The following SDK1 variants were observed in gnomAD, a reference collection of about 807,000 sequenced individuals.
SDK1 encodes the protein protein sidekick-1.
A neutral mutation model predicts 245.5 loss-of-function variants in SDK1; 157 were observed. The observed-to-expected ratio is 0.64, with a 90% CI of 0.56 to 0.73. SDK1 has a LOEUF of 0.73. Among genes scored for constraint, SDK1 ranks in the 30% least tolerant of loss-of-function variants. The pLI is 0.00. For synonymous variants in SDK1, 1,647 were observed against 1,278.5 expected, an observed-to-expected ratio of 1.29 and a Z score of -6.15; for missense variants, 3,583 against 3,002.3, an observed-to-expected ratio of 1.19 and a Z score of -4.52.
intron 35 of SDK1, among the ~76,000 whole-genome samples, chr7:4,182,026 TCTC>T (rs1782631691): frequency 6.6e-6 from 1 of 152,166 alleles, no homozygotes; most frequent in African/African-American, 2.4e-5. Flanking sequence ...TTCAAGCAAT[TCTC>T]CTGCCTCAGC....
chr7:3,768,282 G>A (rs1780311604), intron 4 of SDK1, among the ~76,000 whole-genome samples: 1 of 152,216 alleles, frequency 6.6e-6, no homozygotes, highest in South Asian at 2.1e-4. Flanking sequence ...GGATGTGCAA[G>A]AGCATAGACA....
At chr7:3,686,130 C>T (rs1380887849) in intron 4 of SDK1, among the ~76,000 whole-genome samples, 2 of 152,152 alleles carry the variant, frequency 1.3e-5, no homozygotes, top group African/African-American at 2.4e-5. Context: ...TGCTGGAGCA[C>T]AGTGGCATGG....
intron 1 of SDK1, among the ~76,000 whole-genome samples, chr7:3,447,097 C>T (rs1176489077): frequency 2.0e-5 from 3 of 152,090 alleles, no homozygotes; most frequent in African/African-American, 7.2e-5. Flanking sequence ...TCTGAAGATG[C>T]AGTAGAATAC....
At chr7:3,851,295 T>A (rs2115102532) in intron 5 of SDK1, among the ~76,000 whole-genome samples, 1 of 152,354 alleles carries the variant, frequency 6.6e-6, no homozygotes, top group Non-Finnish European at 1.5e-5. Flanking sequence ...TTATTTGGCG[T>A]TATTAACATT....
At chr7:3,517,116 A>G (rs946475442) in intron 1 of SDK1, among the ~76,000 whole-genome samples, 2 of 152,160 alleles carry the variant, frequency 1.3e-5, no homozygotes, top group Non-Finnish European at 1.5e-5. Context: ...ACCTAGTTAC[A>G]TTTTTAGTCT....
intron 4 of SDK1, among the ~76,000 whole-genome samples, chr7:3,801,305 T>G (rs1779100678): frequency 6.6e-6 from 1 of 152,216 alleles, no homozygotes; most frequent in South Asian, 2.1e-4. Context: ...TCTTCACTTC[T>G]CTTTGGAGCA....
At chr7:4,225,276 C>G (rs1490305205) in intron 40 of SDK1, among the ~76,000 whole-genome samples, 1 of 152,122 alleles carries the variant, frequency 6.6e-6, no homozygotes, top group South Asian at 2.1e-4. Context: ...TTCTTACAAC[C>G]GCTTGGGACT....
chr7:3,572,269 G>A (rs558617848), intron 1 of SDK1, among the ~76,000 whole-genome samples: 1 of 152,038 alleles, frequency 6.6e-6, no homozygotes, highest in African/African-American at 2.4e-5. Context: ...TTGTTTAATG[G>A]AATGTCACAA....
At chr7:3,731,984 G>A (rs1161768828) in intron 4 of SDK1, among the ~76,000 whole-genome samples, 1 of 152,132 alleles carries the variant, frequency 6.6e-6, no homozygotes, top group African/African-American at 2.4e-5. Flanking sequence ...TAGAGATGGG[G>A]TTTCACCGTG....
intron 10 of SDK1, 54 bp downstream of exon 10, chr7:3,967,488 C>T (rs535120135): frequency 1.4e-5 from 15 of 1,054,366 alleles, no homozygotes; most frequent in Non-Finnish European, 2.1e-5. Flanking sequence ...CATAACCTAT[C>T]GGGCCAGTGC....
intron 1 of SDK1, among the ~76,000 whole-genome samples, chr7:3,550,406 G>C (rs1779363745): frequency 6.6e-6 from 1 of 152,190 alleles, no homozygotes; most frequent in Non-Finnish European, 1.5e-5. Flanking sequence ...AGAACTATGT[G>C]TATTAGACAA....
chr7:3,436,329 A>G lies in SDK1; in HGVS notation c.298+134445A>G, dbSNP rs553967970. Among the ~76,000 whole-genome samples, 8 of 152,302 alleles carry G rather than the reference A, an allele frequency of 5.3e-5. No homozygotes were observed. In the South Asian group the frequency reaches 1.2e-3, roughly 24 times the overall value. On this transcript the variant is annotated intron_variant, in intron 1 of 44. Transcript: ENST00000404826. The stretch of plus-strand genomic sequence containing the variant: ...GATGATTACGAAATAATTGATTAAA[A>G]AGTGTGCAATATTGGTTTTCATTGA...
intron 4 of SDK1, among the ~76,000 whole-genome samples, chr7:3,655,475 A>ATATATATATATATATG (rs1783143465): frequency 1.1e-5 from 1 of 87,794 alleles, no homozygotes; most frequent in African/African-American, 4.4e-5. Context: ...ATATATATAT[A>ATATATATATATATATG]TATATATATA....
intron 5 of SDK1, among the ~76,000 whole-genome samples, chr7:3,841,583 T>C (rs1780159626): frequency 6.6e-6 from 1 of 151,968 alleles, no homozygotes; most frequent in South Asian, 2.1e-4. Flanking sequence ...CTTTTTTTTT[T>C]TGAGACGGAG....
intron 1 of SDK1, among the ~76,000 whole-genome samples, chr7:3,583,151 C>A (rs1377250434): frequency 6.6e-6 from 1 of 152,162 alleles, no homozygotes; most frequent in Non-Finnish European, 1.5e-5. Context: ...CTGGTTCCTG[C>A]GTGTAGGCCA....
intron 1 of SDK1, among the ~76,000 whole-genome samples, chr7:3,476,859 T>A (rs940940048): frequency 2.0e-5 from 3 of 152,160 alleles, no homozygotes; most frequent in African/African-American, 4.8e-5. Flanking sequence ...TCGTGACTAT[T>A]AAGAGATGGG....
intron 28 of SDK1, among the ~76,000 whole-genome samples, chr7:4,145,047 T>C (rs1255155888): frequency 1.3e-5 from 2 of 152,062 alleles, no homozygotes; most frequent in African/African-American, 4.8e-5. Context: ...ATAAGGAACG[T>C]CTGGTCAACC....
At position 3,924,769 on chromosome 7, in the gene SDK1, G is replaced by A. The variant is rs56004496; in HGVS notation, c.848-26154G>A. Reference sequence around the variant, plus strand: ...AAGATACTAATGAATTTCTTTACCCGTCGCCCTCCTCCTAGCTGTCATAGC... The same window carrying A: ...AAGATACTAATGAATTTCTTTACCCATCGCCCTCCTCCTAGCTGTCATAGC... On this transcript the variant is annotated intron_variant, in intron 5 of 44. Coordinates refer to ENST00000404826, the MANE Select transcript of SDK1 (RefSeq NM_152744.4). Among the ~76,000 whole-genome samples the A allele has an allele frequency of 5.2e-3, 793 of 152,098 alleles. 7 individuals are homozygous for A. The highest frequency in any genetic ancestry group is 0.018 in the African/African-American group (740 of 41,474).
chr7:3,780,996 G>A (rs1222906392), intron 4 of SDK1, among the ~76,000 whole-genome samples: 1 of 152,062 alleles, frequency 6.6e-6, no homozygotes, highest in Non-Finnish European at 1.5e-5. Flanking sequence ...CACCTTCATG[G>A]ATTTCAGAAA....
Sources: gnomAD v4.1 joint callset for allele counts (sites outside exome capture counted in the v4.1 genomes callset) on GRCh38, gnomAD v4.1.1 for gene constraint, MANE v1.5 for transcripts, NCBI Gene and HGNC (gene_info 2026-07-23, HGNC 2026-07-21) for gene names.